The following PTCH2 variants were observed in gnomAD, a reference collection of about 807,000 sequenced individuals.
PTCH2 encodes the protein patched 2, also known as protein patched homolog 2.
PTCH2 carries 96 observed loss-of-function variants against 117.9 expected under a neutral mutation model. The observed-to-expected ratio is 0.81, with a 90% CI of 0.69 to 0.96. The LOEUF (loss-of-function observed/expected upper bound fraction) is 0.96, where lower values mean the gene tolerates loss of function less well. Among genes scored for constraint, PTCH2 ranks in the 50% least tolerant of loss-of-function variants. The pLI is 0.00. For synonymous variants in PTCH2, 615 were observed against 660.9 expected, an observed-to-expected ratio of 0.93 and a Z score of 1.06; for missense variants, 1,379 against 1,562.5, an observed-to-expected ratio of 0.88 and a Z score of 1.98.
intron 2 of PTCH2, 44 bp downstream of exon 2, chr1:44,841,803 G>T: frequency 6.2e-7 from 1 of 1,602,296 alleles, no homozygotes; most frequent in Non-Finnish European, 8.6e-7. Context: ...TCTTGTCTTG[G>T]GCTCACCATA....
rs1653438814 is a variant in PTCH2 at position 44,831,356 on chromosome 1, C to T, written c.618-313G>A. Among the ~76,000 whole-genome samples the T allele has an allele frequency of 6.6e-6, 1 of 152,252 alleles. No homozygotes were observed. On this transcript the variant is annotated intron_variant, in intron 5 of 21. Transcript: ENST00000372192. This position sits in a 1 kb window ranked among gnomAD's most constrained non-coding sequence, Gnocchi z 4.3. ...GTGCTTGGTTCTAATATACAACCAG[C>T]AGGCACATGCCTGTAGCAGGTTTTC...
rs1553165497 is a variant in PTCH2, at chr1:44,830,603, AAG to A, written c.813+243_813+244del. ...AGTGAGACTCAAAAAAAAAAAAAAA[AAG>A]AAGTCCAGCCTTATCTAGGCTTAGA... On this transcript the variant is annotated intron_variant, in intron 6 of 21. Transcript: ENST00000372192. Among the ~76,000 whole-genome samples the A allele has an allele frequency of 3.3e-5, 5 of 150,680 alleles. 1 individual carries two copies. Among genetic ancestry groups the A allele is most frequent in the Admixed American group, 2.6e-4 (4 of 15,128 alleles).
chr1:44,841,757 G>T, intron 2 of PTCH2, 90 bp downstream of exon 2: 1 of 1,456,292 alleles, frequency 6.9e-7, no homozygotes, highest in Non-Finnish European at 9.6e-7. Flanking sequence ...CCAGGGCCAG[G>T]CCTGCTAGAG....
chr1:44,827,023 C>T lies in PTCH2; in HGVS notation c.2574G>A (p.Met858Ile). The change falls in exon 17 of 22, where the codon ATG (methionine) becomes ATA (isoleucine). Residue 858 changes from methionine (M) to isoleucine (I), a missense_variant. Met to Ile is a conservative substitution (Grantham distance 10, BLOSUM62 1). Transcript: ENST00000372192. ...EGLIPPELFY[M>I]GLTVWVSSDP... ...CACTGCTCACCCACACGGTCAGCCC[C>T]ATGTAGAAGAGCTCGGGTGGAATCA... is the stretch of plus-strand genomic sequence containing the variant. 6.2e-7 allele frequency: 1 copy of T among 1,614,116 alleles called. No homozygotes were observed. Among genetic ancestry groups the T allele is most frequent in the South Asian group, 1.1e-5 (1 of 91,088 alleles).
Position 44,828,487 on chromosome 1 carries a change from C to T in PTCH2, c.1590+19G>A. ...CAGCCCCACACCCACCCTGAGCTGC[C>T]CCGTGTGAGAGGCCTCACCTGTAGG... On this transcript the variant is annotated intron_variant, in intron 12 of 21. Coordinates refer to ENST00000372192, the MANE Select transcript of PTCH2 (RefSeq NM_003738.5). 1.2e-6 allele frequency: 2 copies of T among 1,614,172 alleles called. No homozygotes were observed. Among genetic ancestry groups the T allele is most frequent in the African/African-American group, 1.3e-5 (1 of 75,068 alleles).
At chr1:44,829,588 C>T (rs2148877872) in intron 8 of PTCH2, 26 bp downstream of exon 8, 2 of 1,614,036 alleles carry the variant, frequency 1.2e-6, no homozygotes, top group Non-Finnish European at 1.7e-6. Flanking sequence ...CCTCAGGGCA[C>T]CCCCCTTGTC....
Position 44,832,245 on chromosome 1 carries a change from T to C in PTCH2, c.362A>G (p.Gln121Arg). ...GGGTGTGAGGATGTTCTCTCCCTCC[T>C]GGCGTGCGGTCTGTATCAGCATCTG... The part of the protein sequence containing the change: ...TSQMLIQTAR[Q>R]EGENILTPEA... The change falls in exon 3 of 22, where the codon CAG becomes CGG. Residue 121 changes from glutamine (Q) to arginine (R), a missense_variant. By Grantham distance (43) the Gln-to-Arg change is conservative. Coordinates refer to ENST00000372192, the MANE Select transcript of PTCH2 (RefSeq NM_003738.5). 1.2e-6 allele frequency: 2 copies of C among 1,614,168 alleles called. No homozygotes were observed. Among genetic ancestry groups the C allele is most frequent in the Middle Eastern group, 1.6e-4 (1 of 6,062 alleles).
At chr1:44,839,322 A>C (rs1653829327) in intron 2 of PTCH2, among the ~76,000 whole-genome samples, 1 of 141,266 alleles carries the variant, frequency 7.1e-6, no homozygotes, top group African/African-American at 2.7e-5. Context: ...AGATTGCGTC[A>C]CTGCACTACA....
intron 2 of PTCH2, among the ~76,000 whole-genome samples, chr1:44,833,069 A>G (rs1190346127): frequency 6.6e-6 from 1 of 152,152 alleles, no homozygotes; most frequent in Non-Finnish European, 1.5e-5. Flanking sequence ...GGAGGTGTCC[A>G]GATCCTTTTC....
rs770373024 is a variant in PTCH2 at position 44,823,135 on chromosome 1, G to C, written c.3291C>G (p.Leu1097=). 11 of 1,614,074 alleles carry C rather than the reference G, an allele frequency of 6.8e-6. No individual in the cohort carries two copies. The East Asian group carries it at 2.5e-4, about 36-fold the overall frequency. Residue 1097 remains leucine (L), a synonymous_variant, in exon 21 of 22, where the codon CTC becomes CTG. Coordinates refer to ENST00000372192, the MANE Select transcript of PTCH2 (RefSeq NM_003738.5). The surrounding 1 kb of genome is among the most constrained non-coding windows in gnomAD (Gnocchi z 5.1). ...YFFAALTVLT[L]LGLLHGLVLL... is the part of the protein sequence containing the mutation. ...GCACGAGTCCATGGAGGAGGCCCAG[G>C]AGCGTGAGCACTGTCAGCGCCGCAA... is the stretch of plus-strand genomic sequence containing the variant.
intron 21 of PTCH2, 32 bp from the exon 22 acceptor site, chr1:44,822,701 C>T (rs371579669): frequency 9.3e-6 from 15 of 1,606,892 alleles, no homozygotes; most frequent in South Asian, 3.3e-5. Context: ...AGTAAGCCCA[C>T]GGGCCCCTGG....
In PTCH2 at chr1:44,831,639, G is replaced by T; in HGVS notation, c.617+67C>A. The T allele has an allele frequency of 7.0e-7, 1 of 1,435,302 alleles. No homozygotes were observed. The highest frequency in any genetic ancestry group is 9.6e-7 in the Non-Finnish European group (1 of 1,041,624). 88.9% of individuals were successfully genotyped at this position (1,435,302 alleles called of 1,614,324 possible). A position where few individuals can be genotyped will look rare whatever the true frequency, so the allele number is the denominator to read the frequency against. ...AGGTTTTGATCATCCTCATTCCCCA[G>T]ACCCCTCCTTTCTGCTGGGAGAGTC... On this transcript the variant is annotated intron_variant, in intron 5 of 21. Transcript: ENST00000372192. This position sits in a 1 kb window ranked among gnomAD's most constrained non-coding sequence, Gnocchi z 4.3.
Position 44,826,218 on chromosome 1 carries a change from G to A in PTCH2, c.3114+32C>T. 2 of 1,610,422 alleles carry A rather than the reference G, an allele frequency of 1.2e-6. No individual in the cohort carries two copies. Among genetic ancestry groups the A allele is most frequent in the Non-Finnish European group, 1.7e-6 (2 of 1,178,364 alleles). Reference sequence around the variant, plus strand: ...ATATGTGTTGAATACTGAATCAGCTGATTGGTCCCTCCCCGGGGTGCCCGT... The same window carrying A: ...ATATGTGTTGAATACTGAATCAGCTAATTGGTCCCTCCCCGGGGTGCCCGT... On this transcript the variant is annotated intron_variant, in intron 19 of 21. Transcript: ENST00000372192. This position sits in a 1 kb window ranked among gnomAD's most constrained non-coding sequence, Gnocchi z 5.1.
intron 6 of PTCH2, among the ~76,000 whole-genome samples, chr1:44,830,465 T>A (rs1328682592): frequency 3.3e-5 from 5 of 151,556 alleles, no homozygotes; most frequent in Non-Finnish European, 7.4e-5. Context: ...TAGCCGGGCA[T>A]GGTGGTGGGC....
At chr1:44,836,110 C>T (rs906483641) in intron 2 of PTCH2, among the ~76,000 whole-genome samples, 1 of 152,058 alleles carries the variant, frequency 6.6e-6, no homozygotes, top group Admixed American at 6.6e-5. Context: ...TTTCCGTGGC[C>T]GTCATCGGAA....
chr1:44,823,141 G>T lies in PTCH2; in HGVS notation c.3285C>A (p.Leu1095=). 1 of 1,614,104 alleles carries T rather than the reference G, an allele frequency of 6.2e-7. No individual in the cohort carries two copies. Among genetic ancestry groups the T allele is most frequent in the Non-Finnish European group, 8.5e-7 (1 of 1,180,010 alleles). Residue 1095 remains leucine, a synonymous_variant, in exon 21 of 22, where the codon CTC becomes CTA. Transcript: ENST00000372192. This position sits in a 1 kb window ranked among gnomAD's most constrained non-coding sequence, Gnocchi z 5.1. Reference sequence around the variant, plus strand: ...GTCCATGGAGGAGGCCCAGGAGCGTGAGCACTGTCAGCGCCGCAAAGAAGT... The same window carrying T: ...GTCCATGGAGGAGGCCCAGGAGCGTTAGCACTGTCAGCGCCGCAAAGAAGT... ...VRYFFAALTV[L]TLLGLLHGLV... is the part of the protein sequence containing the mutation.
At chr1:44,822,782 T>A (rs1246462783) in intron 21 of PTCH2, 113 bp from the exon 22 acceptor site, 18 of 1,169,516 alleles carry the variant, frequency 1.5e-5, no homozygotes, top group Non-Finnish European at 2.0e-5. Context: ...CTTGTTGGTC[T>A]CCAGCAGGAT....
chr1:44,839,438 G>C (rs7554177), intron 2 of PTCH2, among the ~76,000 whole-genome samples: 2 of 149,568 alleles, frequency 1.3e-5, no homozygotes, highest in South Asian at 2.1e-4. Flanking sequence ...GGACAAGAGT[G>C]ATATTCTGAA....
At chr1:44,841,415 C>A (rs927451418) in intron 2 of PTCH2, among the ~76,000 whole-genome samples, 1 of 152,168 alleles carries the variant, frequency 6.6e-6, no homozygotes, top group African/African-American at 2.4e-5. Context: ...TCTGATTCTG[C>A]TGGTCAGAAG....
Sources: allele counts gnomAD v4.1 joint callset (sites outside exome capture counted in the v4.1 genomes callset), GRCh38; gene constraint gnomAD v4.1.1; non-coding constraint Gnocchi (gnomAD v3.1); transcripts MANE v1.5; gene names NCBI Gene and HGNC (gene_info 2026-07-23, HGNC 2026-07-21).